Variants in PIGL observed in about 807,000 individuals in gnomAD.
PIGL encodes N-acetylglucosaminyl-phosphatidylinositol de-N-acetylase.
PIGL carries 22 observed loss-of-function variants against 31.1 expected under a neutral mutation model. The ratio of observed to expected loss-of-function variants is 0.71; its 90% CI spans 0.51 to 1.01. The LOEUF (loss-of-function observed/expected upper bound fraction) is 1.01. PIGL is among the 50% of genes least tolerant of loss of function. The pLI, the probability that PIGL is intolerant of heterozygous loss-of-function variation, is 0.00. For missense variants in PIGL, 302 were observed against 315.9 expected (o/e 0.96, Z 0.33); for synonymous variants, 131 against 117.4 (o/e 1.12, Z -0.75).
intron 2 of PIGL, among the ~76,000 whole-genome samples, chr17:16,245,814 A>G (rs1243189434): frequency 9.7e-6 from 1 of 103,086 alleles, no homozygotes; most frequent in Non-Finnish European, 2.0e-5. Context: ...ACATATATAT[A>G]TATATATTTT....
intron 1 of PIGL, 95 bp downstream of exon 1, chr17:16,217,556 A>G: frequency 2.0e-6 from 2 of 980,040 alleles, no homozygotes; most frequent in Non-Finnish European, 3.1e-6. Context: ...AGTTTTCCGT[A>G]GGGAGCTAAG....
intron 2 of PIGL, among the ~76,000 whole-genome samples, chr17:16,259,765 C>T (rs1436322466): frequency 6.6e-6 from 1 of 152,080 alleles, no homozygotes; most frequent in Admixed American, 6.6e-5. Context: ...GCTGGGGCTG[C>T]ACACTCCATG....
At position 16,233,068 on chromosome 17, in the gene PIGL, C is replaced by T. The variant is rs569524802; in HGVS notation, c.236-903C>T. On this transcript the variant is annotated intron_variant, in intron 1 of 6. Transcript: ENST00000225609. Reference sequence around the variant, plus strand: ...GGCAGAGGTTGCAGTGAGCCAAGATCGCGCTGCTGTACTCCAGCCAGGGCG... The same window carrying T: ...GGCAGAGGTTGCAGTGAGCCAAGATTGCGCTGCTGTACTCCAGCCAGGGCG... Among the ~76,000 whole-genome samples the T allele has an allele frequency of 1.1e-4, 17 of 151,362 alleles. No homozygotes were observed. The East Asian group carries it at 2.9e-3, about 26-fold the overall frequency.
intron 5 of PIGL, chr17:16,316,957 C>G: frequency 7.7e-7 from 1 of 1,294,662 alleles, no homozygotes; most frequent in Non-Finnish European, 9.9e-7. Flanking sequence ...ACCTGTCTAG[C>G]TTTTTCACAG....
intron 3 of PIGL, among the ~76,000 whole-genome samples, chr17:16,309,083 G>T (rs1336792862): frequency 6.6e-6 from 1 of 152,176 alleles, no homozygotes; most frequent in Non-Finnish European, 1.5e-5. Context: ...AAGACACTGT[G>T]CCCAGCCAAA....
At chr17:16,222,626 T>G (rs1175550805) in intron 1 of PIGL, among the ~76,000 whole-genome samples, 1 of 152,044 alleles carries the variant, frequency 6.6e-6, no homozygotes, top group Non-Finnish European at 1.5e-5. Context: ...CCTCTCACAT[T>G]GCCTTGTATG....
chr17:16,244,817 G>A (rs932140800), intron 2 of PIGL, among the ~76,000 whole-genome samples: 2 of 152,032 alleles, frequency 1.3e-5, no homozygotes, highest in Non-Finnish European at 2.9e-5. Context: ...TGGGACTACA[G>A]GCACACGTCA....
In PIGL at chr17:16,241,744, C is replaced by A. The variant is rs1426952002; in HGVS notation, c.335+7674C>A. Among the ~76,000 whole-genome samples the A allele has an allele frequency of 2.0e-5, 3 of 152,048 alleles. No homozygotes were observed. The East Asian group carries it at 5.8e-4, about 29-fold the overall frequency. ...AAATTATAAGGAAAATGAGAATTAT[C>A]TGCTCAGTATTAAACAAAATTAGCA... is the stretch of plus-strand genomic sequence containing the variant. On this transcript the variant is annotated intron_variant, in intron 2 of 6. Transcript: ENST00000225609.
At chr17:16,253,044 C>A (rs898060085) in intron 2 of PIGL, among the ~76,000 whole-genome samples, 1 of 152,162 alleles carries the variant, frequency 6.6e-6, no homozygotes, top group African/African-American at 2.4e-5. Flanking sequence ...ATAGAGAAAC[C>A]GCATTTCTAC....
At chr17:16,252,609 T>C (rs889253271) in intron 2 of PIGL, among the ~76,000 whole-genome samples, 4 of 149,258 alleles carry the variant, frequency 2.7e-5, no homozygotes, top group African/African-American at 9.7e-5. Context: ...TTTTAAAACA[T>C]ATATATAATT....
chr17:16,313,228 A>G (rs2093062482), intron 3 of PIGL, among the ~76,000 whole-genome samples: 2 of 152,202 alleles, frequency 1.3e-5, no homozygotes, highest in Non-Finnish European at 2.9e-5. Context: ...GCTAGCCAGG[A>G]ATTCTAAATG....
intron 1 of PIGL, among the ~76,000 whole-genome samples, chr17:16,221,680 C>T (rs1173037034): frequency 6.6e-6 from 1 of 152,040 alleles, no homozygotes; most frequent in African/African-American, 2.4e-5. Flanking sequence ...AGTGCAGTGG[C>T]ACAATCTCGG....
chr17:16,305,085 G>A (rs1446282788), intron 3 of PIGL, among the ~76,000 whole-genome samples: 2 of 152,076 alleles, frequency 1.3e-5, no homozygotes, highest in East Asian at 3.8e-4. Flanking sequence ...AGACCAGCCT[G>A]GGCAACACAG....
intron 2 of PIGL, among the ~76,000 whole-genome samples, chr17:16,289,355 G>C (rs1033876745): frequency 6.6e-6 from 1 of 152,204 alleles, no homozygotes; most frequent in African/African-American, 2.4e-5. Flanking sequence ...TCTTCGTCCT[G>C]CACCAGCAGT....
intron 3 of PIGL, among the ~76,000 whole-genome samples, chr17:16,303,263 G>A (rs2093012391): frequency 6.6e-6 from 1 of 152,186 alleles, no homozygotes; most frequent in African/African-American, 2.4e-5. Context: ...TAAAAGTGCA[G>A]ACCACGTCTT....
At chr17:16,317,147 T>G (rs959270925) in intron 5 of PIGL, 52 of 1,019,186 alleles carry the variant, frequency 5.1e-5, no homozygotes, top group Non-Finnish European at 5.9e-5. Context: ...ATGACCCCCA[T>G]GCTTAGCCTC....
At chr17:16,307,608 C>G (rs894789651) in intron 3 of PIGL, among the ~76,000 whole-genome samples, 5 of 152,144 alleles carry the variant, frequency 3.3e-5, no homozygotes, top group Non-Finnish European at 5.9e-5. Flanking sequence ...AACCCCAGTG[C>G]CTGGTACAGA....
intron 2 of PIGL, among the ~76,000 whole-genome samples, chr17:16,239,355 C>T (rs561487678): frequency 6.6e-6 from 1 of 151,792 alleles, no homozygotes; most frequent in South Asian, 2.1e-4. Flanking sequence ...TGGTGGCATA[C>T]ACCTGTAATC....
chr17:16,300,911 C>T (rs1167297861), intron 3 of PIGL, among the ~76,000 whole-genome samples: 2 of 152,100 alleles, frequency 1.3e-5, no homozygotes, highest in Admixed American at 6.6e-5. Context: ...GTGGACAAGC[C>T]TAGCAACACC....
Sources: allele counts gnomAD v4.1 joint callset (sites outside exome capture counted in the v4.1 genomes callset), GRCh38; gene constraint gnomAD v4.1.1; transcripts MANE v1.5; gene names NCBI Gene and HGNC (gene_info 2026-07-23, HGNC 2026-07-21).